FGF13: variants seen among roughly 807,000 people sequenced by gnomAD.
The protein encoded by FGF13 is fibroblast growth factor 13, also known as fibroblast growth factor homologous factor 2.
In FGF13, 2 loss-of-function variants were observed where a neutral mutation model predicts 19.5. That is an observed-to-expected ratio of 0.10 (90% CI 0.04 to 0.32). FGF13 has a LOEUF of 0.32. Ranked by LOEUF, FGF13 falls within the 10% of genes least tolerant of loss-of-function variation. The pLI, the probability that FGF13 is intolerant of heterozygous loss-of-function variation, is 1.00. For missense variants in FGF13, 113 were observed against 192.7 expected (o/e 0.59, Z 2.45); for synonymous variants, 72 against 76.9 (o/e 0.94, Z 0.33).
intron 3 of FGF13, among the ~76,000 whole-genome samples, chrX:138,844,286 T>G (rs2091167720): frequency 1.8e-5 from 2 of 112,136 alleles, no homozygotes; most frequent in African/African-American, 6.5e-5. Flanking sequence ...CGAGCAAGCT[T>G]AACTACATTC....
At chrX:138,999,258 A>G (rs1273622977) in intron 1 of FGF13, among the ~76,000 whole-genome samples, 1 of 112,138 alleles carries the variant, frequency 8.9e-6, no homozygotes, top group Non-Finnish European at 1.9e-5. Flanking sequence ...TGATACTCTC[A>G]CATCACAATT....
At chrX:138,689,578 C>T (rs1461348802) in intron 3 of FGF13, among the ~76,000 whole-genome samples, 2 of 111,956 alleles carry the variant, frequency 1.8e-5, no homozygotes, top group Non-Finnish European at 3.8e-5. Context: ...AGATAGCTGC[C>T]GCTGAGCAGA....
Position 138,710,870 on chromosome X carries a change from A to G in FGF13, c.134T>C (p.Val45Ala). 1 of 1,212,232 alleles carries G rather than the reference A, an allele frequency of 8.2e-7. No individual in the cohort carries two copies. The highest frequency in any genetic ancestry group is 1.1e-6 in the Non-Finnish European group (1 of 895,617). The stretch of plus-strand genomic sequence containing the variant: ...GCCGAAGAGTTTGACCCGGGAAAAG[A>G]CATTTAACTTGTTTTTGTCGCAGCT... ...KTSCDKNKLN[V>A]FSRVKLFGSK... Residue 45 changes from valine to alanine, a missense_variant, in exon 1 of 5, where the codon GTC (valine) becomes GCC (alanine). Physicochemically the swap from Val to Ala is moderately conservative, Grantham distance 64. Coordinates refer to ENST00000315930, the MANE Select transcript of FGF13 (RefSeq NM_004114.5).
At chrX:138,901,007 C>G (rs1327989598) in intron 1 of FGF13, among the ~76,000 whole-genome samples, 1 of 111,798 alleles carries the variant, frequency 8.9e-6, no homozygotes. Context: ...AAGTGCTCTC[C>G]AATTATTCCC....
chrX:138,711,836 GC>G (rs1368128439), upstream of FGF13, among the ~76,000 whole-genome samples: 1 of 65,705 alleles, frequency 1.5e-5, no homozygotes, highest in Admixed American at 1.7e-4. Context: ...CAAGTCCCCG[GC>G]CGCCCGTTCC....
At chrX:139,181,049 T>C (rs996514889) in intron 1 of FGF13, among the ~76,000 whole-genome samples, 8 of 112,041 alleles carry the variant, frequency 7.1e-5, no homozygotes, top group African/African-American at 2.6e-4. Flanking sequence ...GACAAACCGA[T>C]TCATTTGCTC....
intron 1 of FGF13, among the ~76,000 whole-genome samples, chrX:139,146,094 G>A (rs979382340): frequency 9.0e-6 from 1 of 111,549 alleles, no homozygotes; most frequent in Admixed American, 9.5e-5. Flanking sequence ...AAAAGCAATG[G>A]CAACAAAAGC....
chrX:139,075,569 G>T (rs1262092898), intron 1 of FGF13, among the ~76,000 whole-genome samples: 1 of 111,631 alleles, frequency 9.0e-6, no homozygotes, highest in Non-Finnish European at 1.9e-5. Context: ...ACATTTTTAT[G>T]AGTCCATTCT....
chrX:139,050,081 G>A (rs1287797905), intron 1 of FGF13, among the ~76,000 whole-genome samples: 3 of 111,763 alleles, frequency 2.7e-5, no homozygotes, highest in African/African-American at 9.8e-5. Flanking sequence ...TAGGAAGTGT[G>A]CTAGGTTCTA....
At chrX:139,203,090 G>T (rs1046504197) in intron 1 of FGF13, among the ~76,000 whole-genome samples, 2 of 112,295 alleles carry the variant, frequency 1.8e-5, no homozygotes, top group Non-Finnish European at 3.8e-5. Flanking sequence ...GAAAGGCAAC[G>T]GCTAGAACCG....
rs147071716 is a variant in FGF13 at position 138,996,333 on chromosome X, C to T, written c.-112-131683G>A. On this transcript the variant is annotated intron_variant, in intron 1 of 2. Transcript: ENST00000421460. ...ACGGTACACTCCTGCCCAGATACTG[C>T]GCTTTTCCCACGGTCTTTGCAACCA... 1.3e-3 allele frequency among the ~76,000 whole-genome samples: 144 copies of T among 112,587 alleles called. 1 individual carries two copies. Among genetic ancestry groups the T allele is most frequent in the Non-Finnish European group, 2.2e-3 (116 of 53,246 alleles).
intron 1 of FGF13, among the ~76,000 whole-genome samples, chrX:139,080,658 T>A (rs148380729): frequency 0.021 from 2,305 of 111,938 alleles, 32 homozygotes; most frequent in Non-Finnish European, 0.032. Flanking sequence ...ACTGAAGGCC[T>A]CATACCCCAA....
Position 138,779,099 on chromosome X carries a change from A to T in FGF13, c.218-70171T>A, listed in dbSNP as rs866167899. Among the ~76,000 whole-genome samples the T allele has an allele frequency of 3.6e-5, 4 of 111,634 alleles. No individual in the cohort carries two copies. In the South Asian group the frequency reaches 1.1e-3, roughly 31 times the overall value. ...GGGTACTCCAACAGACCTGCAGCTG[A>T]GGTTCCTGTCTGTTAGAAGGAAAAC... On this transcript the variant is annotated intron_variant, in intron 3 of 6. Coordinates refer to the FGF13 transcript ENST00000436198.
intron 3 of FGF13, among the ~76,000 whole-genome samples, chrX:138,679,887 T>C (rs943826882): frequency 2.7e-5 from 3 of 112,292 alleles, no homozygotes; most frequent in Non-Finnish European, 3.8e-5. Context: ...TGATACTGTA[T>C]GATATGACTT....
intron 3 of FGF13, among the ~76,000 whole-genome samples, chrX:138,789,937 C>T (rs903511450): frequency 1.5e-4 from 14 of 95,834 alleles, no homozygotes; most frequent in African/African-American, 5.4e-4. Context: ...CTCAGGTACT[C>T]GGGAGGCTGA....
chrX:138,909,917 T>C (rs1339142652), intron 1 of FGF13, among the ~76,000 whole-genome samples: 1 of 110,805 alleles, frequency 9.0e-6, no homozygotes, highest in African/African-American at 3.3e-5. Context: ...ATCTAATGAG[T>C]CTGGGAAACA....
intron 3 of FGF13, among the ~76,000 whole-genome samples, chrX:138,684,464 ATCT>A (rs1414679909): frequency 9.0e-6 from 1 of 111,678 alleles, no homozygotes; most frequent in African/African-American, 3.2e-5. Flanking sequence ...TAGTAAAATT[ATCT>A]TCTATCATTT....
chrX:139,023,175 G>A (rs943754949), intron 1 of FGF13, among the ~76,000 whole-genome samples: 1 of 110,411 alleles, frequency 9.1e-6, no homozygotes, highest in Non-Finnish European at 1.9e-5. Flanking sequence ...AGGCATTGTG[G>A]GTCATATAGT....
At chrX:139,010,324 A>T (rs1011764820) in intron 1 of FGF13, among the ~76,000 whole-genome samples, 2 of 111,759 alleles carry the variant, frequency 1.8e-5, no homozygotes, top group South Asian at 7.5e-4. Flanking sequence ...CTTGCAGGAC[A>T]TTCTACCCAA....
Sources: gnomAD v4.1 joint callset for allele counts (sites outside exome capture counted in the v4.1 genomes callset) on GRCh38, gnomAD v4.1.1 for gene constraint, MANE v1.5 for transcripts, NCBI Gene and HGNC (gene_info 2026-07-23, HGNC 2026-07-21) for gene names.